Variants in GSN observed in about 807,000 individuals in gnomAD.
The protein encoded by GSN is gelsolin.
GSN carries 56 observed loss-of-function variants against 85.7 expected under a neutral mutation model. The ratio of observed to expected loss-of-function variants is 0.65; its 90% CI spans 0.53 to 0.82. The LOEUF (loss-of-function observed/expected upper bound fraction) is 0.82, where lower values mean the gene tolerates loss of function less well. Ranked by LOEUF, GSN falls within the 40% of genes least tolerant of loss-of-function variation. The pLI is 0.00. For synonymous variants in GSN, 373 were observed against 399.1 expected, an observed-to-expected ratio of 0.93 and a Z score of 0.78; for missense variants, 857 against 979.8, an observed-to-expected ratio of 0.87 and a Z score of 1.67.
upstream of GSN, chr9:121,265,067 T>A (rs1359612622): frequency 6.6e-6 from 1 of 152,298 alleles, no homozygotes; most frequent in Non-Finnish European, 1.5e-5. Flanking sequence ...CCTGCCCTAG[T>A]GTTCCATGGG....
chr9:121,263,861 C>T (rs1204717134), upstream of GSN, among the ~76,000 whole-genome samples: 13 of 146,724 alleles, frequency 8.9e-5, no homozygotes. Flanking sequence ...TGCACTCCAG[C>T]CTAGGAACGA....
At chr9:121,217,837 T>TTAC (rs138335551) in intron 4 of GSN, among the ~76,000 whole-genome samples, 1 of 147,946 alleles carries the variant, frequency 6.8e-6, no homozygotes, top group African/African-American at 2.5e-5. Flanking sequence ...ATTATTATTA[T>TTAC]AACCTCAAAC....
intron 4 of GSN, among the ~76,000 whole-genome samples, chr9:121,219,302 T>C (rs1292158542): frequency 6.6e-6 from 1 of 151,848 alleles, no homozygotes; most frequent in Non-Finnish European, 1.5e-5. Context: ...CTCACCATGT[T>C]GCCCAGGCTG....
chr9:121,264,303 A>G (rs2055152630), upstream of GSN, among the ~76,000 whole-genome samples: 1 of 152,120 alleles, frequency 6.6e-6, no homozygotes, highest in South Asian at 2.1e-4. Flanking sequence ...TAACATAAAA[A>G]TTAGCCAGGC....
intron 4 of GSN, among the ~76,000 whole-genome samples, chr9:121,215,631 T>G (rs549148703): frequency 2.0e-5 from 3 of 151,966 alleles, no homozygotes; most frequent in Admixed American, 6.6e-5. Flanking sequence ...GAGGCAGAGG[T>G]TGCAGTGAGC....
At chr9:121,292,892 G>A (rs1249057328) in intron 2 of GSN, among the ~76,000 whole-genome samples, 1 of 152,108 alleles carries the variant, frequency 6.6e-6, no homozygotes, top group African/African-American at 2.4e-5. Context: ...CATGGTCCAC[G>A]GATCCCTCAC....
At chr9:121,239,227 G>T in intron 5 of GSN, 1 of 348,914 alleles carries the variant, frequency 2.9e-6, no homozygotes, top group Non-Finnish European at 5.6e-6. Context: ...TGCTTCAGTA[G>T]ATGAACTCAT....
intron 16 of GSN, among the ~76,000 whole-genome samples, chr9:121,330,662 A>C (rs2063784640): frequency 6.6e-6 from 1 of 152,220 alleles, no homozygotes; most frequent in African/African-American, 2.4e-5. Context: ...AATATTTTAG[A>C]TATGCATAAA....
chr9:121,211,118 A>T lies in GSN; in HGVS notation c.-528+251A>T, dbSNP rs1051504286. On this transcript the variant is annotated intron_variant, in intron 4 of 24. Transcript: ENST00000373823. ...GATTCCACTTATATGAAGTACATAG[A>T]ATAGTCAAATACAGAGACACAGAAA... Among the ~76,000 whole-genome samples, 18 of 152,244 alleles carry T rather than the reference A, an allele frequency of 1.2e-4. 1 individual carries two copies. The highest frequency in any genetic ancestry group is 4.1e-4 in the African/African-American group (17 of 41,456).
intron 1 of GSN, among the ~76,000 whole-genome samples, chr9:121,272,250 G>A (rs2056089287): frequency 2.6e-5 from 4 of 152,150 alleles, no homozygotes; most frequent in Admixed American, 2.6e-4. Flanking sequence ...CCCTGCCTGG[G>A]ACCACATCAG....
exon 1 of GSN, chr9:121,207,840 C>T (rs1287551147): frequency 1.3e-5 from 2 of 151,770 alleles, no homozygotes; most frequent in Admixed American, 6.6e-5. Context: ...CTGAAGCCTC[C>T]ACCTCCTGGG....
chr9:121,257,957 T>C (rs1467777846), intron 6 of GSN, among the ~76,000 whole-genome samples: 2 of 152,194 alleles, frequency 1.3e-5, no homozygotes, highest in Non-Finnish European at 2.9e-5. Context: ...AAAGAACATA[T>C]GGCAACATGG....
In GSN at chr9:121,318,307, A is replaced by G. The variant is rs541798989; in HGVS notation, c.887-99A>G. On this transcript the variant is annotated intron_variant, in intron 8 of 17. Transcript: ENST00000432226. The surrounding 1 kb of genome is among the most constrained non-coding windows in gnomAD (Gnocchi z 4.3). ...TGTCCACAGTCTAAGAAGAGTAGGG[A>G]GGGAAGTTTGGCAGCTCCTTCTCCT... 1.6e-5 allele frequency: 15 copies of G among 951,122 alleles called. No homozygotes were observed. Among genetic ancestry groups the G allele is most frequent in the Admixed American group, 3.4e-5 (2 of 58,974 alleles). 58.9% of individuals were successfully genotyped at this position (951,122 alleles called of 1,614,324 possible).
At chr9:121,228,424 AT>A (rs869071386) in intron 4 of GSN, among the ~76,000 whole-genome samples, 950 of 47,708 alleles carry the variant, frequency 0.02, 16 homozygotes, top group Middle Eastern at 0.052. Context: ...ATATATATAT[AT>A]TTTTTTTTTT....
intron 16 of GSN, among the ~76,000 whole-genome samples, chr9:121,330,971 A>G (rs937013627): frequency 6.6e-6 from 1 of 152,206 alleles, no homozygotes; most frequent in Non-Finnish European, 1.5e-5. Context: ...TGGCAATGTT[A>G]GCGAATGAAG....
At chr9:121,211,058 G>A (rs2053960150) in intron 4 of GSN, among the ~76,000 whole-genome samples, 1 of 152,226 alleles carries the variant, frequency 6.6e-6, no homozygotes, top group Non-Finnish European at 1.5e-5. Context: ...TATGCTAAGT[G>A]AATTTAGCCC....
chr9:121,327,065 A>G (rs1365506750), intron 13 of GSN: 1 of 684,818 alleles, frequency 1.5e-6, no homozygotes, highest in Non-Finnish European at 2.7e-6. Flanking sequence ...TGTTCTGGGC[A>G]TTCAACTTCT....
chr9:121,303,316 C>T (rs1055535153), intron 4 of GSN, among the ~76,000 whole-genome samples: 34 of 152,166 alleles, frequency 2.2e-4, no homozygotes, highest in African/African-American at 8.2e-4. Flanking sequence ...CCCATAAGTT[C>T]ATAGTGTTGT....
chr9:121,225,260 CA>C (rs1264972405), intron 4 of GSN, among the ~76,000 whole-genome samples: 1 of 150,664 alleles, frequency 6.6e-6, no homozygotes, highest in African/African-American at 2.4e-5. Flanking sequence ...CATGACAAAA[CA>C]AAAACAAATT....
Sources: allele counts gnomAD v4.1 joint callset (sites outside exome capture counted in the v4.1 genomes callset), GRCh38; gene constraint gnomAD v4.1.1; non-coding constraint Gnocchi (gnomAD v3.1); transcripts MANE v1.5; gene names NCBI Gene and HGNC (gene_info 2026-07-23, HGNC 2026-07-21).